Variants in ECPAS observed in about 807,000 individuals in gnomAD.
ECPAS encodes the protein Ecm29 proteasome adaptor and scaffold.
In ECPAS, 70 loss-of-function variants were observed where a neutral mutation model predicts 255.1. The ratio of observed to expected loss-of-function variants is 0.27; its 90% confidence interval spans 0.23 to 0.33. ECPAS has a LOEUF of 0.33. Among genes scored for constraint, ECPAS ranks in the 10% least tolerant of loss-of-function variants. The pLI is 1.00. For missense variants in ECPAS, 1,817 were observed against 2,206.4 expected (o/e 0.82, Z 3.54); for synonymous variants, 784 against 775.0 (o/e 1.01, Z -0.19).
chr9:111,481,463 G>A (rs1008476818), intron 1 of ECPAS, among the ~76,000 whole-genome samples: 1 of 151,980 alleles, frequency 6.6e-6, no homozygotes, highest in African/African-American at 2.4e-5. Context: ...CGGAGATCGC[G>A]CCACTGCACT....
At chr9:111,454,193 C>G (rs1474832571) in intron 2 of ECPAS, among the ~76,000 whole-genome samples, 1 of 151,248 alleles carries the variant, frequency 6.6e-6, no homozygotes, top group Non-Finnish European at 1.5e-5. Flanking sequence ...AACTACAAAT[C>G]TGAGCTACAG....
intron 9 of ECPAS, among the ~76,000 whole-genome samples, 189 bp from the exon 10 acceptor site, chr9:111,428,350 G>A (rs534015492): frequency 3.9e-5 from 6 of 151,980 alleles, no homozygotes; most frequent in Admixed American, 1.3e-4. Flanking sequence ...TTTACTATAC[G>A]GGAAATTAAA....
intron 48 of ECPAS, among the ~76,000 whole-genome samples, chr9:111,364,477 G>A (rs1288660826): frequency 6.6e-6 from 1 of 152,152 alleles, no homozygotes; most frequent in African/African-American, 2.4e-5. Flanking sequence ...ATAAAAACAT[G>A]GGCAGAAGAG....
intron 41 of ECPAS, among the ~76,000 whole-genome samples, chr9:111,372,891 G>C (rs1293809718): frequency 6.6e-6 from 1 of 152,062 alleles, no homozygotes; most frequent in African/African-American, 2.4e-5. Flanking sequence ...AATTAACCAG[G>C]CGTGGTGGCA....
At chr9:111,385,216 G>A (rs1271500746) in intron 33 of ECPAS, 121 bp downstream of exon 33, 1 of 604,962 alleles carries the variant, frequency 1.7e-6, no homozygotes, top group African/African-American at 1.9e-5. Flanking sequence ...GAAACTTTGG[G>A]GGAAAACGTT....
chr9:111,393,833 C>T, intron 26 of ECPAS, 99 bp from the exon 27 acceptor site: 1 of 900,860 alleles, frequency 1.1e-6, no homozygotes, highest in South Asian at 1.6e-5. Context: ...GTCTTATTAT[C>T]CAAGCCAGTT....
chr9:111,389,950 A>G (rs769944526), intron 30 of ECPAS, 34 bp downstream of exon 30: 11 of 1,436,420 alleles, frequency 7.7e-6, no homozygotes, highest in Non-Finnish European at 1.1e-5. Flanking sequence ...TTTGCATGAA[A>G]AAAATAAATA....
chr9:111,403,191 G>GAAAA (rs34002065), intron 24 of ECPAS, among the ~76,000 whole-genome samples: 4 of 120,862 alleles, frequency 3.3e-5, no homozygotes, highest in Admixed American at 8.9e-5. Context: ...CATCTCTACT[G>GAAAA]AAAAAAAAAA....
At chr9:111,447,722 C>CAT (rs2098255174) in intron 3 of ECPAS, among the ~76,000 whole-genome samples, 1 of 151,714 alleles carries the variant, frequency 6.6e-6, no homozygotes, top group Non-Finnish European at 1.5e-5. Flanking sequence ...AATAAAAATG[C>CAT]TATTTTATTA....
At chr9:111,447,707 G>A (rs2098255154) in intron 3 of ECPAS, among the ~76,000 whole-genome samples, 1 of 151,730 alleles carries the variant, frequency 6.6e-6, no homozygotes, top group Admixed American at 6.6e-5. Flanking sequence ...AATTTGACAT[G>A]CACAAATAAA....
chr9:111,442,952 G>C (rs2098247883), intron 4 of ECPAS, among the ~76,000 whole-genome samples: 1 of 152,146 alleles, frequency 6.6e-6, no homozygotes, highest in Non-Finnish European at 1.5e-5. Context: ...GCAAGGTCAA[G>C]CATCCCAAAT....
intron 21 of ECPAS, 58 bp downstream of exon 21, chr9:111,411,956 T>C: frequency 7.0e-7 from 1 of 1,419,152 alleles, no homozygotes; most frequent in Non-Finnish European, 9.3e-7. Context: ...AAAAATAAGT[T>C]AGATCCTTTT....
chr9:111,372,979 C>G (rs1250163114), intron 41 of ECPAS, among the ~76,000 whole-genome samples, 191 bp downstream of exon 41: 1 of 152,082 alleles, frequency 6.6e-6, no homozygotes, highest in East Asian at 1.9e-4. Context: ...TTGCAGTGAG[C>G]TGAGATAGCA....
chr9:111,403,780 C>T (rs1383471885), intron 24 of ECPAS, among the ~76,000 whole-genome samples: 2 of 149,916 alleles, frequency 1.3e-5, no homozygotes, highest in East Asian at 4.0e-4. Flanking sequence ...ATTTACAGAA[C>T]ATTTCATCCA....
intron 24 of ECPAS, among the ~76,000 whole-genome samples, chr9:111,399,083 G>A (rs1362971720): frequency 6.6e-6 from 1 of 152,098 alleles, no homozygotes; most frequent in African/African-American, 2.4e-5. Flanking sequence ...TTGAGGGGAT[G>A]GATACCCTAT....
intron 35 of ECPAS, among the ~76,000 whole-genome samples, chr9:111,380,981 T>C (rs1249226968): frequency 6.6e-6 from 1 of 152,246 alleles, no homozygotes; most frequent in Non-Finnish European, 1.5e-5. Context: ...ATTCAAACTT[T>C]CTCCCTGTTA....
intron 10 of ECPAS, 46 bp downstream of exon 10, chr9:111,427,996 A>G: frequency 6.3e-7 from 1 of 1,579,104 alleles, no homozygotes; most frequent in East Asian, 2.3e-5. Flanking sequence ...TTAAATAGAC[A>G]TAAAAGTTGC....
chr9:111,366,010 T>C (rs1341499061), intron 48 of ECPAS: 4 of 512,688 alleles, frequency 7.8e-6, no homozygotes, highest in Non-Finnish European at 1.4e-5. Context: ...AGTAACAATT[T>C]TGTAAAAATA....
intron 7 of ECPAS, among the ~76,000 whole-genome samples, 200 bp from the exon 8 acceptor site, chr9:111,433,572 T>C (rs2098233258): frequency 6.6e-6 from 1 of 152,164 alleles, no homozygotes; most frequent in African/African-American, 2.4e-5. Flanking sequence ...CTCACAATAA[T>C]AAATCAATCA....
Sources: allele counts gnomAD v4.1 joint callset (sites outside exome capture counted in the v4.1 genomes callset), GRCh38; gene constraint gnomAD v4.1.1; transcripts MANE v1.5; gene names NCBI Gene and HGNC (gene_info 2026-07-23, HGNC 2026-07-21).